FUS: variants seen among roughly 807,000 people sequenced by gnomAD.
FUS encodes the protein FUS RNA binding protein.
In FUS, 5 loss-of-function variants were observed where a neutral mutation model predicts 82.7. That is an observed-to-expected ratio of 0.06 (90% confidence interval 0.03 to 0.13). FUS has a LOEUF of 0.13. Among genes scored for constraint, FUS ranks in the 10% least tolerant of loss-of-function variants. The pLI, the probability that FUS is intolerant of heterozygous loss-of-function variation, is 1.00. For missense variants in FUS, 512 were observed against 707.8 expected, an observed-to-expected ratio of 0.72 and a Z score of 3.14; for synonymous variants, 281 against 247.4, an observed-to-expected ratio of 1.14 and a Z score of -1.27.
At chr16:31,183,409 A>T (rs2144105399) in intron 3 of FUS, 1 of 174,322 alleles carries the variant, frequency 5.7e-6, no homozygotes, top group Middle Eastern at 3.0e-3. Context: ...TTTCTAAAGG[A>T]AGAACCAGTT....
chr16:31,182,466 G>A (rs2079193655), intron 2 of FUS, 44 bp downstream of exon 2: 1 of 1,614,212 alleles, frequency 6.2e-7, no homozygotes, highest in Admixed American at 1.7e-5. Context: ...GAGGGCAAGG[G>A]TGGTCACGCC....
rs759013653 is a variant in FUS, at chr16:31,185,028, A to G, written c.613A>G (p.Ser205Gly). Reference sequence around the variant, plus strand: ...TCAAGACCAGAGTGGTGGAGGTGGCAGCGGTGGCTATGGACAGCAGGACCG... The same window carrying G: ...TCAAGACCAGAGTGGTGGAGGTGGCGGCGGTGGCTATGGACAGCAGGACCG... ...GNQDQSGGGGSGGYGQQDRGG... is the reference protein window; with the variant it reads ...GNQDQSGGGGGGGYGQQDRGG... Residue 205 changes from serine to glycine, a missense_variant, in exon 6 of 15, where the codon AGC becomes GGC. Physicochemically the swap from Ser to Gly is moderately conservative, Grantham distance 56 (BLOSUM62 0). Around this residue, in one of 6 missense-constraint regions of FUS, gnomAD observed 276 missense variants for 303.3 expected, o/e 0.91. Transcript: ENST00000254108. 6.2e-7 allele frequency: 1 copy of G among 1,613,354 alleles called. No individual in the cohort carries two copies. The highest frequency in any genetic ancestry group is 1.1e-5 in the South Asian group (1 of 91,036).
chr16:31,187,358 T>TA lies in FUS; in HGVS notation c.799+524dup, dbSNP rs552804704. 226 of 242,230 alleles carry TA rather than the reference T, an allele frequency of 9.3e-4. 1 individual carries two copies. Among genetic ancestry groups the TA allele is most frequent in the African/African-American group, 4.7e-3 (216 of 45,552 alleles). 15.0% of individuals were successfully genotyped at this position (242,230 alleles called of 1,614,324 possible). A position where few individuals can be genotyped will look rare whatever the true frequency, so the allele number is the denominator to read the frequency against. On this transcript the variant is annotated intron_variant, in intron 7 of 14. Transcript: ENST00000254108. Reference sequence around the variant, plus strand: ...GAATGCAATTCTATGTATATGGACTTAACTGAGATGGGCAAATAGAAACTA... The same window carrying TA: ...GAATGCAATTCTATGTATATGGACTTAAACTGAGATGGGCAAATAGAAACTA...
downstream of FUS, chr16:31,193,821 T>C (rs1257488964): frequency 2.1e-6 from 1 of 477,452 alleles, no homozygotes; most frequent in Non-Finnish European, 3.9e-6. Flanking sequence ...TTTAATTACT[T>C]TTTTTTTTTT....
chr16:31,184,010 G>C lies in FUS; in HGVS notation c.335+8G>C, dbSNP rs201823514. 4.3e-6 allele frequency: 7 copies of C among 1,614,078 alleles called. No individual in the cohort carries two copies. The Admixed American group carries it at 1.2e-4, about 27-fold the overall frequency. Reference sequence around the variant, plus strand: ...CAGCAGCACCTCGGGAAGGTACGGTGGTGTTGATGTCGGGGAAGGCTTGAA... The same window carrying C: ...CAGCAGCACCTCGGGAAGGTACGGTCGTGTTGATGTCGGGGAAGGCTTGAA... On this transcript the variant is annotated splice_region_variant and intron_variant, in intron 4 of 14. Transcript: ENST00000254108.
chr16:31,194,460 ATTTT>A, downstream of FUS: 1 of 498,964 alleles, frequency 2.0e-6, no homozygotes, highest in South Asian at 1.6e-5. Flanking sequence ...TGACTGGCTA[ATTTT>A]TTTTTGTATT....
upstream of FUS, chr16:31,180,113 T>C (rs2058030959): frequency 6.5e-7 from 1 of 1,531,960 alleles, no homozygotes; most frequent in Non-Finnish European, 8.9e-7. Flanking sequence ...GGAGCGTACT[T>C]AAGCTTCGAC....
chr16:31,189,163 C>T lies in FUS; in HGVS notation c.873C>T (p.Gly291=). 6.2e-7 allele frequency: 1 copy of T among 1,613,922 alleles called. No individual in the cohort carries two copies. Among genetic ancestry groups the T allele is most frequent in the Non-Finnish European group, 8.5e-7 (1 of 1,179,904 alleles). ...NSDNNTIFVQ[G]LGENVTIESV... is the part of the protein sequence containing the mutation. Reference sequence around the variant, plus strand: ...ACAACAACACCATCTTTGTGCAAGGCCTGGGTGAGAATGTTACAATTGAGT... The same window carrying T: ...ACAACAACACCATCTTTGTGCAAGGTCTGGGTGAGAATGTTACAATTGAGT... Residue 291 remains glycine, a synonymous_variant, in exon 9 of 15, where the codon GGC becomes GGT. Transcript: ENST00000254108.
chr16:31,184,927 C>G lies in FUS; in HGVS notation c.524-12C>G, dbSNP rs772515951. 4 of 1,588,338 alleles carry G rather than the reference C, an allele frequency of 2.5e-6. No homozygotes were observed. Among genetic ancestry groups the G allele is most frequent in the South Asian group, 1.1e-5 (1 of 88,552 alleles). ...TGTTTTTTTTTTTTAATCATTCTTT[C>G]TTTTCTCACAGGTAACTATGGCCAA... On this transcript the variant is annotated splice_polypyrimidine_tract_variant and intron_variant, in intron 5 of 14. Coordinates refer to ENST00000254108, the MANE Select transcript of FUS (RefSeq NM_004960.4).
In FUS at chr16:31,186,792, T is replaced by C; in HGVS notation, c.765-10T>C. ...GCTTCATGTCCTTTCTTCTAACTTG[T>C]CTTCTCCAGCGGAAGTGACCGTGGT... On this transcript the variant is annotated splice_polypyrimidine_tract_variant and intron_variant, in intron 6 of 14. Coordinates refer to ENST00000254108, the MANE Select transcript of FUS (RefSeq NM_004960.4). 1 of 1,614,106 alleles carries C rather than the reference T, an allele frequency of 6.2e-7. No individual in the cohort carries two copies. The highest frequency in any genetic ancestry group is 8.5e-7 in the Non-Finnish European group (1 of 1,179,902).
intron 14 of FUS, 135 bp from the exon 15 acceptor site, chr16:31,191,264 G>A (rs1443090588): frequency 4.1e-6 from 6 of 1,459,986 alleles, no homozygotes; most frequent in East Asian, 2.3e-5. Flanking sequence ...TTAACTCAGG[G>A]GGAGTGAATC....
At position 31,191,545 on chromosome 16, in the gene FUS, T is replaced by C. The variant is rs1323261575; in HGVS notation, c.*107T>C. Reference sequence around the variant, plus strand: ...CTGATCACCCAAGGGTTTTTTTGTGTCGGACTATGTAATTGTAACTATACC... The same window carrying C: ...CTGATCACCCAAGGGTTTTTTTGTGCCGGACTATGTAATTGTAACTATACC... On this transcript the variant is annotated 3_prime_UTR_variant, in exon 15 of 15. Transcript: ENST00000254108. The C allele has an allele frequency of 8.2e-7, 1 of 1,225,218 alleles. No individual in the cohort carries two copies. Among genetic ancestry groups the C allele is most frequent in the Non-Finnish European group, 1.2e-6 (1 of 834,396 alleles). The allele number at this position is 1,225,218 out of a possible 1,614,324, so 75.9% of individuals were successfully genotyped here.
At chr16:31,188,135 C>G (rs111719937) in intron 7 of FUS, 190 bp from the exon 8 acceptor site, 2 of 624,068 alleles carry the variant, frequency 3.2e-6, no homozygotes, top group Non-Finnish European at 5.6e-6. Context: ...AGGGGCCTGC[C>G]TAGAATTTTC....
Position 31,183,928 on chromosome 16 carries a change from C to T in FUS, c.261C>T (p.Ser87=). The change falls in exon 4 of 15, where the codon TCC becomes TCT. Residue 87 remains serine, a synonymous_variant. Coordinates refer to ENST00000254108, the MANE Select transcript of FUS (RefSeq NM_004960.4). The stretch of plus-strand genomic sequence containing the variant: ...GCGGCTATGGCAGTAGCCAGAGCTC[C>T]CAATCGTCTTACGGGCAGCAGTCCT... The part of the protein sequence containing the change: ...STGGYGSSQS[S]QSSYGQQSSY... The T allele has an allele frequency of 1.2e-6, 2 of 1,613,900 alleles. No homozygotes were observed. The highest frequency in any genetic ancestry group is 1.6e-4 in the Middle Eastern group (1 of 6,062).
chr16:31,191,056 G>A lies in FUS; in HGVS notation c.1487G>A (p.Gly496Glu). ...GGCGGGGACCGTGGAGGCTTCCGAG[G>A]GGGCCGGGGTGGTGGGGACAGAGGT... ...GRGGDRGGFR[G>E]GRGGGDRGGF... is the part of the protein sequence containing the mutation. The change falls in exon 14 of 15, where the codon GGG becomes GAG. Residue 496 changes from glycine to glutamate, a missense_variant. Coordinates refer to ENST00000254108, the MANE Select transcript of FUS (RefSeq NM_004960.4). 2 of 1,613,556 alleles carry A rather than the reference G, an allele frequency of 1.2e-6. No homozygotes were observed. The highest frequency in any genetic ancestry group is 1.7e-6 in the Non-Finnish European group (2 of 1,180,008).
rs779527584 is a variant in FUS at position 31,189,809 on chromosome 16, G to T, written c.1066+15G>T. ...CTGGTTTGATGGTATGTATGAGAAG[G>T]CTGGCAGAGGTGGGGCTGGGGATAT... On this transcript the variant is annotated intron_variant, in intron 10 of 14. Coordinates refer to ENST00000254108, the MANE Select transcript of FUS (RefSeq NM_004960.4). The T allele has an allele frequency of 1.2e-6, 2 of 1,613,860 alleles. No individual in the cohort carries two copies. Among genetic ancestry groups the T allele is most frequent in the Non-Finnish European group, 8.5e-7 (1 of 1,180,032 alleles).
At chr16:31,187,730 A>G (rs2079291294) in intron 7 of FUS, 1 of 234,982 alleles carries the variant, frequency 4.3e-6, no homozygotes, top group Non-Finnish European at 8.4e-6. Flanking sequence ...TAGAGGCTGC[A>G]TTACGGAAAT....
chr16:31,191,259 T>G, intron 14 of FUS, 140 bp from the exon 15 acceptor site: 3 of 1,471,302 alleles, frequency 2.0e-6, no homozygotes, highest in Non-Finnish European at 2.8e-6. Context: ...GAAAATTAAC[T>G]CAGGGGGAGT....
intron 13 of FUS, 29 bp downstream of exon 13, chr16:31,190,871 G>A (rs2079345006): frequency 6.2e-7 from 1 of 1,612,978 alleles, no homozygotes; most frequent in South Asian, 1.1e-5. Context: ...GTGCTAGGGA[G>A]CTGGGACCAA....
Sources: allele counts gnomAD v4.1 joint callset, GRCh38; gene constraint gnomAD v4.1.1; regional missense constraint gnomAD v4.1.1; transcripts MANE v1.5; gene names NCBI Gene and HGNC (gene_info 2026-07-23, HGNC 2026-07-21).